Variants in WWOX observed in about 807,000 individuals in gnomAD.
WWOX encodes the protein WW domain containing oxidoreductase.
Under a neutral mutation model 46.2 loss-of-function variants are expected in WWOX, and 69 were observed. The observed-to-expected ratio is 1.49, with a 90% CI of 1.23 to 1.82. The LOEUF (loss-of-function observed/expected upper bound fraction) is 1.82. Among genes scored for constraint, WWOX ranks in the 40% most tolerant of loss-of-function variants. The pLI is 0.00. For missense variants in WWOX, 919 were observed against 542.6 expected (o/e 1.69, Z -6.89); for synonymous variants, 359 against 202.6 (o/e 1.77, Z -6.56).
chr16:78,873,700 G>A (rs1444893418), intron 8 of WWOX, among the ~76,000 whole-genome samples: 1 of 152,130 alleles, frequency 6.6e-6, no homozygotes, highest in Admixed American at 6.5e-5. Context: ...TGAGGAGGAC[G>A]ATTGCTTGAG....
chr16:78,727,935 T>C (rs539598806), intron 8 of WWOX, among the ~76,000 whole-genome samples: 5 of 152,282 alleles, frequency 3.3e-5, no homozygotes, highest in Admixed American at 2.0e-4. Context: ...TTTACTGATA[T>C]TTATCATACT....
At chr16:78,397,403 C>T (rs1048157259) in intron 6 of WWOX, among the ~76,000 whole-genome samples, 1 of 152,170 alleles carries the variant, frequency 6.6e-6, no homozygotes, top group Admixed American at 6.6e-5. Context: ...TAAAAAATGG[C>T]AGAAGAATGG....
intron 8 of WWOX, among the ~76,000 whole-genome samples, chr16:78,461,175 T>C (rs1251413937): frequency 6.6e-6 from 1 of 152,202 alleles, no homozygotes; most frequent in Non-Finnish European, 1.5e-5. Context: ...TCACTATCCA[T>C]GAATTGTGGC....
intron 8 of WWOX, among the ~76,000 whole-genome samples, chr16:78,558,571 A>G (rs2044360469): frequency 6.6e-6 from 1 of 152,196 alleles, no homozygotes; most frequent in South Asian, 2.1e-4. Flanking sequence ...CACTCATTGT[A>G]GAAATGGCCT....
intron 6 of WWOX, among the ~76,000 whole-genome samples, chr16:78,395,551 GAA>G (rs2082265769): frequency 6.6e-6 from 1 of 152,046 alleles, no homozygotes; most frequent in African/African-American, 2.4e-5. Flanking sequence ...CAGAAAGAAA[GAA>G]GGGAAGGAAG....
intron 8 of WWOX, among the ~76,000 whole-genome samples, chr16:78,765,066 C>T (rs1003425752): frequency 4.6e-5 from 7 of 152,184 alleles, no homozygotes; most frequent in African/African-American, 1.7e-4. Context: ...GAAGTCTCAG[C>T]ATCTCGAAAT....
In WWOX at chr16:78,537,106, G is replaced by C. The variant is rs183931704; in HGVS notation, c.1056+104354G>C. On this transcript the variant is annotated intron_variant, in intron 8 of 8. Coordinates refer to ENST00000566780, the MANE Select transcript of WWOX (RefSeq NM_016373.4). ...TAATATTTGTATTTTTAGTAGAGGC[G>C]GGGTTTTGCCATGTTGTCCAGGCTG... Among the ~76,000 whole-genome samples, 259 of 151,998 alleles carry C rather than the reference G, an allele frequency of 1.7e-3. 1 individual carries two copies. Among genetic ancestry groups the C allele is most frequent in the African/African-American group, 6.0e-3 (248 of 41,444 alleles).
At chr16:78,735,924 TC>T (rs1186328651) in intron 8 of WWOX, among the ~76,000 whole-genome samples, 1 of 151,986 alleles carries the variant, frequency 6.6e-6, no homozygotes, top group Non-Finnish European at 1.5e-5. Context: ...TCTCTTTCTC[TC>T]ACCTCCGAAT....
chr16:78,900,324 C>G (rs1366661279), intron 8 of WWOX, among the ~76,000 whole-genome samples: 1 of 152,066 alleles, frequency 6.6e-6, no homozygotes, highest in East Asian at 1.9e-4. Context: ...GAAATCTATG[C>G]CTTAAGCCCA....
At chr16:78,332,887 A>G (rs917073406) in intron 5 of WWOX, among the ~76,000 whole-genome samples, 1 of 152,104 alleles carries the variant, frequency 6.6e-6, no homozygotes, top group African/African-American at 2.4e-5. Flanking sequence ...GTAAAGTTGC[A>G]ATGCAAACTA....
chr16:78,726,806 G>C (rs995731497), intron 8 of WWOX, among the ~76,000 whole-genome samples: 1 of 152,020 alleles, frequency 6.6e-6, no homozygotes, highest in Non-Finnish European at 1.5e-5. Context: ...AGGTAGTCCA[G>C]AATAGTTCTA....
intron 5 of WWOX, among the ~76,000 whole-genome samples, chr16:78,307,164 G>C (rs1328729132): frequency 6.6e-6 from 1 of 152,160 alleles, no homozygotes; most frequent in Non-Finnish European, 1.5e-5. Context: ...GCATCTGTTA[G>C]AAAAGGTATT....
At chr16:78,885,883 G>T (rs546868320) in intron 8 of WWOX, among the ~76,000 whole-genome samples, 1 of 151,304 alleles carries the variant, frequency 6.6e-6, no homozygotes, top group Admixed American at 6.6e-5. Context: ...TCAGTTTAGA[G>T]TTGAGTTTTA....
Position 78,684,357 on chromosome 16 carries a change from C to T in WWOX, c.1056+251605C>T, listed in dbSNP as rs148283375. 2.7e-4 allele frequency among the ~76,000 whole-genome samples: 41 copies of T among 152,238 alleles called. No individual in the cohort carries two copies. The East Asian group carries it at 7.7e-3, about 29-fold the overall frequency. On this transcript the variant is annotated intron_variant, in intron 8 of 8. Transcript: ENST00000566780. Reference sequence around the variant, plus strand: ...CCACCTAAGTAGAAGGACCTATGAACCATGAGGGTTTTCCTTAGCAGGGAG... The same window carrying T: ...CCACCTAAGTAGAAGGACCTATGAATCATGAGGGTTTTCCTTAGCAGGGAG...
chr16:78,442,801 G>A (rs746690948), intron 8 of WWOX, among the ~76,000 whole-genome samples: 1 of 151,696 alleles, frequency 6.6e-6, no homozygotes, highest in Non-Finnish European at 1.5e-5. Context: ...TCAACATTGC[G>A]AAATTCTGTC....
At chr16:78,137,107 G>T (rs1310563260) in intron 4 of WWOX, among the ~76,000 whole-genome samples, 2 of 152,144 alleles carry the variant, frequency 1.3e-5, no homozygotes, top group African/African-American at 4.8e-5. Flanking sequence ...AGGGGGTCAG[G>T]GATGTTAACG....
chr16:79,120,748 A>G (rs2049613100), intron 8 of WWOX, among the ~76,000 whole-genome samples: 1 of 151,792 alleles, frequency 6.6e-6, no homozygotes, highest in African/African-American at 2.4e-5. Context: ...TCTGTCTGAA[A>G]TTTCCCTCTG....
At chr16:78,628,813 G>T (rs1026452277) in intron 8 of WWOX, among the ~76,000 whole-genome samples, 3 of 152,176 alleles carry the variant, frequency 2.0e-5, no homozygotes, top group African/African-American at 7.2e-5. Flanking sequence ...CCGACGACTA[G>T]CCAGGCGCTT....
At position 78,422,684 on chromosome 16, in the gene WWOX, T is replaced by TATATATATAC. The variant is rs1263877025; in HGVS notation, c.606-2185_606-2184insTATATATACA. ...ACATGTATATATATATATATATATA[T>TATATATATAC]ACACACACACACACACATATATATA... On this transcript the variant is annotated intron_variant, in intron 6 of 8. Coordinates refer to ENST00000566780, the MANE Select transcript of WWOX (RefSeq NM_016373.4). Among the ~76,000 whole-genome samples, 21 of 52,962 alleles carry TATATATATAC rather than the reference T, an allele frequency of 4.0e-4. 2 individuals carry two copies. The highest frequency in any genetic ancestry group is 2.1e-3 in the South Asian group (3 of 1,428). 34.7% of individuals were successfully genotyped at this position (52,962 alleles called of 152,430 possible).
Sources: gnomAD v4.1 joint callset for allele counts (sites outside exome capture counted in the v4.1 genomes callset) on GRCh38, gnomAD v4.1.1 for gene constraint, MANE v1.5 for transcripts, NCBI Gene and HGNC (gene_info 2026-07-23, HGNC 2026-07-21) for gene names.